The following MTUS2 variants were observed in gnomAD, a reference collection of about 807,000 sequenced individuals.
The protein encoded by MTUS2 is microtubule associated scaffold protein 2, also known as microtubule-associated tumor suppressor candidate 2.
MTUS2 carries 40 observed loss-of-function variants against 114.1 expected under a neutral mutation model. The observed-to-expected ratio is 0.35, with a 90% CI of 0.27 to 0.46. The LOEUF (loss-of-function observed/expected upper bound fraction) is 0.46, where lower values mean the gene tolerates loss of function less well. MTUS2 is among the 20% of genes least tolerant of loss of function. The pLI, the probability that MTUS2 is intolerant of heterozygous loss-of-function variation, is 1.00. For synonymous variants in MTUS2, 688 were observed against 672.0 expected, an observed-to-expected ratio of 1.02 and a Z score of -0.37; for missense variants, 1,679 against 1,705.4, an observed-to-expected ratio of 0.98 and a Z score of 0.27.
chr13:29,123,584 G>A (rs938591259), intron 5 of MTUS2, among the ~76,000 whole-genome samples: 8 of 152,010 alleles, frequency 5.3e-5, no homozygotes, highest in African/African-American at 1.9e-4. Context: ...GGGCATGGTG[G>A]TGCATTTCTG....
intron 8 of MTUS2, among the ~76,000 whole-genome samples, chr13:29,399,176 C>T (rs763219741): frequency 1.6e-4 from 25 of 152,310 alleles, no homozygotes; most frequent in Admixed American, 3.3e-4. Context: ...AACTTCCTGA[C>T]GTTGTCACAG....
At chr13:29,227,269 A>AAG (rs1555254046) in intron 5 of MTUS2, among the ~76,000 whole-genome samples, 1 of 139,602 alleles carries the variant, frequency 7.2e-6, no homozygotes, top group Admixed American at 7.2e-5. Context: ...AAAAAAAAAA[A>AAG]AAAAAAAGAA....
Position 29,035,902 on chromosome 13 carries a change from TG to T in MTUS2, c.2446+1780del, listed in dbSNP as rs937096039. Reference sequence around the variant, plus strand: ...GCTCACGACTGTAATCCCAGCACTTTGGGAGACTGAGGTGGACGGATCGCTG... The same window carrying T: ...GCTCACGACTGTAATCCCAGCACTTTGGAGACTGAGGTGGACGGATCGCTG... On this transcript the variant is annotated intron_variant, in intron 4 of 15. Transcript: ENST00000612955. 9.2e-5 allele frequency among the ~76,000 whole-genome samples: 14 copies of T among 151,998 alleles called. 1 individual carries two copies. Among genetic ancestry groups the T allele is most frequent in the Non-Finnish European group, 1.5e-4 (10 of 67,968 alleles).
chr13:29,501,332 G>C, intron 15 of MTUS2, 138 bp downstream of exon 15: 1 of 661,246 alleles, frequency 1.5e-6, no homozygotes, highest in Non-Finnish European at 2.6e-6. Flanking sequence ...TGAAGAACAA[G>C]AACAAACCCC....
intron 9 of MTUS2, among the ~76,000 whole-genome samples, chr13:29,466,813 T>A (rs765671033): frequency 5.5e-4 from 79 of 144,450 alleles, no homozygotes; most frequent in Non-Finnish European, 8.7e-4. Context: ...GGAGGCGGAG[T>A]TTGCAGTGAG....
chr13:28,970,359 T>G (rs757458936), intron 2 of MTUS2, among the ~76,000 whole-genome samples: 37 of 152,206 alleles, frequency 2.4e-4, no homozygotes, highest in Non-Finnish European at 4.9e-4. Flanking sequence ...ATCTCTAGAA[T>G]AGGGGTTGGC....
At chr13:29,165,177 G>A (rs1893263075) in intron 5 of MTUS2, among the ~76,000 whole-genome samples, 1 of 152,198 alleles carries the variant, frequency 6.6e-6, no homozygotes, top group South Asian at 2.1e-4. Flanking sequence ...CAGTTTTCAG[G>A]TACTTGTGTC....
In MTUS2 at chr13:29,436,767, C is replaced by A. The variant is rs536349622; in HGVS notation, c.3118-3216C>A. On this transcript the variant is annotated intron_variant, in intron 8 of 15. Transcript: ENST00000612955. Reference sequence around the variant, plus strand: ...CTCTAATCTCACTTCTATCTCCTTTCCACTTCCTTGCCTCTCTCTCTCCCC... The same window carrying A: ...CTCTAATCTCACTTCTATCTCCTTTACACTTCCTTGCCTCTCTCTCTCCCC... Among the ~76,000 whole-genome samples the A allele has an allele frequency of 9.9e-5, 15 of 151,600 alleles. No homozygotes were observed. In the East Asian group the frequency reaches 2.3e-3, roughly 24 times the overall value.
At chr13:28,871,191 AAT>A (rs1224247417) in intron 2 of MTUS2, among the ~76,000 whole-genome samples, 1 of 152,188 alleles carries the variant, frequency 6.6e-6, no homozygotes. Context: ...ATAATTATTA[AAT>A]ATTTCTTAAC....
intron 5 of MTUS2, among the ~76,000 whole-genome samples, chr13:29,211,845 GA>G (rs1426281353): frequency 6.6e-6 from 1 of 151,512 alleles, no homozygotes; most frequent in Non-Finnish European, 1.5e-5. Context: ...AGGGTCTGTG[GA>G]TTCTCTCAGC....
intron 5 of MTUS2, among the ~76,000 whole-genome samples, chr13:29,144,173 A>T (rs1371873058): frequency 6.6e-6 from 1 of 152,194 alleles, no homozygotes; most frequent in African/African-American, 2.4e-5. Flanking sequence ...CTGCCAAATA[A>T]ATAACTATTA....
chr13:28,949,750 C>G (rs1399423342), intron 2 of MTUS2, among the ~76,000 whole-genome samples: 1 of 152,122 alleles, frequency 6.6e-6, no homozygotes, highest in African/African-American at 2.4e-5. Context: ...AGCATAATGC[C>G]CCCAAGGTTC....
At chr13:29,291,253 T>C (rs1433829341) in intron 6 of MTUS2, among the ~76,000 whole-genome samples, 1 of 152,128 alleles carries the variant, frequency 6.6e-6, no homozygotes, top group Non-Finnish European at 1.5e-5. Flanking sequence ...GTTAACCCTG[T>C]GGTCTCCTCC....
intron 2 of MTUS2, among the ~76,000 whole-genome samples, chr13:28,949,749 C>T (rs1317751081): frequency 1.3e-5 from 2 of 152,106 alleles, no homozygotes; most frequent in African/African-American, 4.8e-5. Flanking sequence ...TAGCATAATG[C>T]CCCCAAGGTT....
intron 5 of MTUS2, among the ~76,000 whole-genome samples, chr13:29,148,144 GAGA>G (rs1892511132): frequency 6.6e-6 from 1 of 150,798 alleles, no homozygotes; most frequent in Non-Finnish European, 1.5e-5. Context: ...TGAACGTTGT[GAGA>G]TGGTATCGTA....
At chr13:29,345,566 A>G (rs1398239543) in intron 7 of MTUS2, among the ~76,000 whole-genome samples, 1 of 151,538 alleles carries the variant, frequency 6.6e-6, no homozygotes, top group Non-Finnish European at 1.5e-5. Flanking sequence ...TCCATGTCCT[A>G]TAACATTGTT....
At chr13:29,196,876 A>T (rs538176595) in intron 5 of MTUS2, among the ~76,000 whole-genome samples, 1 of 152,190 alleles carries the variant, frequency 6.6e-6, no homozygotes, top group Non-Finnish European at 1.5e-5. Context: ...TTGCTTTCAC[A>T]TCTTGGCTAT....
chr13:28,900,618 G>C (rs1031599637), intron 2 of MTUS2, among the ~76,000 whole-genome samples: 1 of 152,094 alleles, frequency 6.6e-6, no homozygotes, highest in South Asian at 2.1e-4. Flanking sequence ...TCAATAGTTT[G>C]TTCCCTTTGA....
At chr13:28,821,917 G>A (rs1873929839) in intron 1 of MTUS2, among the ~76,000 whole-genome samples, 1 of 152,196 alleles carries the variant, frequency 6.6e-6, no homozygotes, top group Admixed American at 6.5e-5. Flanking sequence ...CCTGCGAAGA[G>A]TAGTTGATGT....
Sources: gnomAD v4.1 joint callset for allele counts (sites outside exome capture counted in the v4.1 genomes callset) on GRCh38, gnomAD v4.1.1 for gene constraint, MANE v1.5 for transcripts, NCBI Gene and HGNC (gene_info 2026-07-23, HGNC 2026-07-21) for gene names.